ANGPTL6: variants seen among roughly 807,000 people sequenced by gnomAD.
The protein encoded by ANGPTL6 is angiopoietin-related protein 6.
Under a neutral mutation model 47.4 loss-of-function variants are expected in ANGPTL6, and 45 were observed. That is an observed-to-expected ratio of 0.95 (90% CI 0.75 to 1.22). ANGPTL6 has a LOEUF of 1.22. ANGPTL6 is among the 50% of genes most tolerant of loss of function. ANGPTL6 has a pLI of 0.00. For synonymous variants in ANGPTL6, 290 were observed against 295.9 expected, an observed-to-expected ratio of 0.98 and a Z score of 0.20; for missense variants, 698 against 669.4, an observed-to-expected ratio of 1.04 and a Z score of -0.47.
In ANGPTL6 at chr19:10,092,469, C is replaced by G; in HGVS notation, c.*120G>C. On this transcript the variant is annotated 3_prime_UTR_variant, in exon 6 of 6. Transcript: ENST00000253109. ...ATTTTCAGCGCCCAGGGTCACAGAT[C>G]CACAGTGGGAAGTTCTGTGGGACAC... The G allele has an allele frequency of 2.0e-6, 3 of 1,519,174 alleles. No individual in the cohort carries two copies. Among genetic ancestry groups the G allele is most frequent in the East Asian group, 4.5e-5 (2 of 44,110 alleles). The allele number at this position is 1,519,174 out of a possible 1,614,324, so 94.1% of individuals were successfully genotyped here.
chr19:10,102,144 G>A (rs1043341503), intron 1 of ANGPTL6, among the ~76,000 whole-genome samples: 4 of 148,636 alleles, frequency 2.7e-5, no homozygotes, highest in East Asian at 2.0e-4. Context: ...AAAAAGAAAT[G>A]GCAGAAATGT....
intron 3 of ANGPTL6, 62 bp from the exon 4 acceptor site, chr19:10,093,942 G>C (rs755873594): frequency 1.6e-4 from 249 of 1,547,516 alleles, no homozygotes; most frequent in Non-Finnish European, 2.1e-4. Flanking sequence ...ACTGGAGCAA[G>C]AGTCAAGATT....
At chr19:10,094,613 A>G in intron 3 of ANGPTL6, 145 bp downstream of exon 3, 1 of 1,024,404 alleles carries the variant, frequency 9.8e-7, no homozygotes, top group Non-Finnish European at 1.5e-6. Context: ...TCCTATTTTC[A>G]CACCTTAGAA....
chr19:10,100,416 T>C (rs1238151659), intron 1 of ANGPTL6, among the ~76,000 whole-genome samples: 1 of 152,010 alleles, frequency 6.6e-6, no homozygotes, highest in African/African-American at 2.4e-5. Flanking sequence ...GCTACTTTTT[T>C]GTAGGGAGGG....
At chr19:10,100,196 G>A (rs1266896944) in intron 1 of ANGPTL6, among the ~76,000 whole-genome samples, 1 of 151,612 alleles carries the variant, frequency 6.6e-6, no homozygotes, top group Non-Finnish European at 1.5e-5. Flanking sequence ...AGTGAGCTGA[G>A]ACCGCACCAC....
At chr19:10,099,726 C>A (rs1400446650) in intron 1 of ANGPTL6, among the ~76,000 whole-genome samples, 1 of 151,840 alleles carries the variant, frequency 6.6e-6, no homozygotes, top group East Asian at 1.9e-4. Context: ...CACAACTTAA[C>A]ATCATTCCCT....
At chr19:10,096,677 GC>G in intron 1 of ANGPTL6, 104 bp from the exon 2 acceptor site, 1 of 930,852 alleles carries the variant, frequency 1.1e-6, no homozygotes, top group Non-Finnish European at 1.5e-6. Context: ...GATGTCCCGG[GC>G]CCATAATTTC....
rs1036720141 is a variant in ANGPTL6, at chr19:10,096,359, C to T, written c.205G>A (p.Val69Ile). ...CGTAACAGCTCCTCGTGGCGGCCGA[C>T]GCGCATGCGCAGCGCCGCCAGCTCG... ...ASELAALRMR[V>I]GRHEELLREL... Residue 69 changes from valine to isoleucine, a missense_variant, in exon 2 of 6, where the codon GTC becomes ATC. Coordinates refer to ENST00000253109, the MANE Select transcript of ANGPTL6 (RefSeq NM_031917.3). 1.7e-4 allele frequency: 223 copies of T among 1,284,754 alleles called. No homozygotes were observed. The highest frequency in any genetic ancestry group is 1.1e-3 in the East Asian group (35 of 31,818). The allele number at this position is 1,284,754 out of a possible 1,614,324, so 79.6% of individuals were successfully genotyped here. A position where few individuals can be genotyped will look rare whatever the true frequency, so the allele number is the denominator to read the frequency against.
Position 10,096,182 on chromosome 19 carries a change from G to C in ANGPTL6, c.382C>G (p.Leu128Val), listed in dbSNP as rs537796826. 1.2e-4 allele frequency: 149 copies of C among 1,270,096 alleles called. 1 individual carries two copies. In the East Asian group the frequency reaches 2.8e-3, roughly 24 times the overall value. 78.7% of individuals were successfully genotyped at this position (1,270,096 alleles called of 1,614,324 possible). The change falls in exon 2 of 6, where the codon CTG becomes GTG. Residue 128 changes from leucine (L) to valine (V), a missense_variant. Leu to Val is a conservative substitution (Grantham distance 32). Coordinates refer to ENST00000253109, the MANE Select transcript of ANGPTL6 (RefSeq NM_031917.3). ...AGCGCCGCGGCAGGCTCCGCCCCCA[G>C]ATCCGCCCCCGGGCCCGCCCCGGGC... The part of the protein sequence containing the change: ...AGPGAGPGAD[L>V]GAEPAAALAL...
intron 1 of ANGPTL6, among the ~76,000 whole-genome samples, chr19:10,101,398 A>G (rs1392906625): frequency 1.3e-5 from 2 of 151,806 alleles, no homozygotes; most frequent in African/African-American, 4.8e-5. Flanking sequence ...AAAAATAAAA[A>G]TAAAATAAAG....
chr19:10,104,081 C>CAAAAAAAAAAAAAAA (rs33948028), upstream of ANGPTL6, among the ~76,000 whole-genome samples: 2 of 74,182 alleles, frequency 2.7e-5, no homozygotes, highest in African/African-American at 5.3e-5. Context: ...GACTCTGTCT[C>CAAAAAAAAAAAAAAA]AAAAAAAAAA....
At chr19:10,093,184 C>T (rs1217622136) in intron 5 of ANGPTL6, 165 bp downstream of exon 5, 1 of 944,358 alleles carries the variant, frequency 1.1e-6, no homozygotes, top group Non-Finnish European at 1.6e-6. Context: ...CCCATCCCCC[C>T]ACCAGGATAA....
chr19:10,105,742 C>T (rs955809748), upstream of ANGPTL6, among the ~76,000 whole-genome samples: 13 of 152,220 alleles, frequency 8.5e-5, no homozygotes, highest in African/African-American at 2.9e-4. Context: ...GTCCCTTTCC[C>T]CCACTGCAAG....
intron 1 of ANGPTL6, among the ~76,000 whole-genome samples, chr19:10,102,130 A>C (rs926420708): frequency 1.5e-4 from 22 of 150,236 alleles, no homozygotes; most frequent in Non-Finnish European, 2.7e-4. Flanking sequence ...AAAAAAAAAA[A>C]AAAAAAAAGA....
At chr19:10,102,468 G>T in intron 1 of ANGPTL6, 100 bp downstream of exon 1, 2 of 765,014 alleles carry the variant, frequency 2.6e-6, no homozygotes, top group Non-Finnish European at 3.2e-6. Context: ...TACACTCTCA[G>T]CCTGGGGTGG....
At chr19:10,100,422 G>A (rs748697863) in intron 1 of ANGPTL6, among the ~76,000 whole-genome samples, 22 of 152,006 alleles carry the variant, frequency 1.4e-4, no homozygotes, top group Non-Finnish European at 2.6e-4. Flanking sequence ...TTTTTGTAGG[G>A]AGGGGGTCTC....
chr19:10,096,271 T>C lies in ANGPTL6; in HGVS notation c.293A>G (p.Lys98Arg). The stretch of plus-strand genomic sequence containing the variant: ...GCGCGCGCTCAGGCCGCGGCTCTCC[T>C]TGCGCAGCGCGCGCACCTCGCCGGC... The part of the protein sequence containing the change: ...AVAGEVRALR[K>R]ESRGLSARLG... The change falls in exon 2 of 6, where the codon AAG becomes AGG. Residue 98 changes from lysine (K) to arginine (R), a missense_variant. By Grantham distance (26) the Lys-to-Arg change is conservative. Coordinates refer to ENST00000253109, the MANE Select transcript of ANGPTL6 (RefSeq NM_031917.3). 1 of 1,204,444 alleles carries C rather than the reference T, an allele frequency of 8.3e-7. No homozygotes were observed. The allele number at this position is 1,204,444 out of a possible 1,614,324, so 74.6% of individuals were successfully genotyped here.
chr19:10,103,962 C>G (rs190538854), upstream of ANGPTL6, among the ~76,000 whole-genome samples: 1,335 of 150,574 alleles, frequency 8.9e-3, 12 homozygotes, highest in African/African-American at 0.029. Context: ...GTGTGGTGGC[C>G]CATGCCTGTA....
upstream of ANGPTL6, chr19:10,102,835 C>T (rs1042012045): frequency 3.2e-6 from 3 of 927,344 alleles, no homozygotes; most frequent in Admixed American, 6.2e-5. Context: ...GCCCAGGCCA[C>T]CAGAGCCTGA....
Sources: gnomAD v4.1 joint callset for allele counts (sites outside exome capture counted in the v4.1 genomes callset) on GRCh38, gnomAD v4.1.1 for gene constraint, MANE v1.5 for transcripts, NCBI Gene and HGNC (gene_info 2026-07-23, HGNC 2026-07-21) for gene names.